The following MBD5 variants were observed in gnomAD, a reference collection of about 807,000 sequenced individuals.
The protein encoded by MBD5 is methyl-CpG binding domain protein 5, also known as methyl-CpG-binding domain protein 5.
MBD5 carries 13 observed loss-of-function variants against 117.3 expected under a neutral mutation model. That is an observed-to-expected ratio of 0.11 (90% CI 0.07 to 0.18). The LOEUF (loss-of-function observed/expected upper bound fraction) is 0.18. Among genes scored for constraint, MBD5 ranks in the 10% least tolerant of loss-of-function variants. The pLI is 1.00. For missense variants in MBD5, 1,879 were observed against 2,093.8 expected (o/e 0.90, Z 2.00); for synonymous variants, 727 against 766.4 (o/e 0.95, Z 0.85).
intron 3 of MBD5, among the ~76,000 whole-genome samples, chr2:148,331,044 T>C (rs769630324): frequency 6.6e-6 from 1 of 152,192 alleles, no homozygotes; most frequent in Non-Finnish European, 1.5e-5. Context: ...GTTTTTGTCA[T>C]GGTTACCAAA....
chr2:148,107,593 C>T (rs918307294), intron 1 of MBD5, among the ~76,000 whole-genome samples: 7 of 151,910 alleles, frequency 4.6e-5, no homozygotes, highest in African/African-American at 7.2e-5. Flanking sequence ...ATTCTCTTTT[C>T]AGCTATATTG....
intron 2 of MBD5, among the ~76,000 whole-genome samples, chr2:148,227,515 G>A (rs1481451781): frequency 2.0e-5 from 3 of 151,980 alleles, no homozygotes; most frequent in Non-Finnish European, 2.9e-5. Context: ...TAGTTACTGT[G>A]GGCTTGTAGT....
chr2:148,198,518 TCTC>T, intron 2 of MBD5, among the ~76,000 whole-genome samples: 1 of 152,180 alleles, frequency 6.6e-6, no homozygotes, highest in East Asian at 1.9e-4. Context: ...GTCTAGGTTT[TCTC>T]CTATAGATGA....
chr2:148,427,054 C>T (rs1434413658), intron 4 of MBD5, among the ~76,000 whole-genome samples: 2 of 152,168 alleles, frequency 1.3e-5, no homozygotes, highest in Non-Finnish European at 2.9e-5. Context: ...TGAAAAAATA[C>T]TCATCATCAC....
intron 4 of MBD5, among the ~76,000 whole-genome samples, chr2:148,426,420 A>T (rs1705788282): frequency 6.6e-6 from 1 of 152,040 alleles, no homozygotes; most frequent in Non-Finnish European, 1.5e-5. Context: ...GGCTACAGTA[A>T]CCAAAACAGC....
intron 3 of MBD5, among the ~76,000 whole-genome samples, chr2:148,317,345 G>C (rs1702179064): frequency 6.6e-6 from 1 of 151,832 alleles, no homozygotes; most frequent in Non-Finnish European, 1.5e-5. Flanking sequence ...CTCGAGCCTG[G>C]GCAACAAGAG....
At chr2:148,228,695 T>A (rs2106122713) in intron 2 of MBD5, among the ~76,000 whole-genome samples, 1 of 152,364 alleles carries the variant, frequency 6.6e-6, no homozygotes, top group African/African-American at 2.4e-5. Flanking sequence ...TACCAGCTCC[T>A]CCTTGTACCT....
chr2:148,105,382 C>A (rs946950592), intron 1 of MBD5, among the ~76,000 whole-genome samples: 2 of 151,956 alleles, frequency 1.3e-5, no homozygotes, highest in East Asian at 3.9e-4. Flanking sequence ...TCACACTGGG[C>A]TAATTTTTAT....
chr2:148,367,173 A>G (rs1055685511), intron 4 of MBD5, among the ~76,000 whole-genome samples: 2 of 152,120 alleles, frequency 1.3e-5, no homozygotes, highest in Non-Finnish European at 2.9e-5. Context: ...AAATAACACC[A>G]CACATCTACA....
At chr2:148,153,079 G>A (rs1290256671) in intron 1 of MBD5, among the ~76,000 whole-genome samples, 1 of 151,890 alleles carries the variant, frequency 6.6e-6, no homozygotes, top group African/African-American at 2.4e-5. Flanking sequence ...GGCTGGTACC[G>A]ATTATTCCTT....
chr2:148,424,177 C>CAAAAAAAAAAAAAAAAAAAAAAA (rs56740583), intron 4 of MBD5, among the ~76,000 whole-genome samples: 2 of 53,462 alleles, frequency 3.7e-5, no homozygotes, highest in African/African-American at 5.0e-5. Context: ...GACTCTGTCT[C>CAAAAAAAAAAAAAAAAAAAAAAA]AAAAAAAAAA....
intron 1 of MBD5, among the ~76,000 whole-genome samples, chr2:148,079,876 AACAACAACAACAAC>A (rs776578170): frequency 6.7e-6 from 1 of 150,274 alleles, no homozygotes; most frequent in East Asian, 2.0e-4. Context: ...CAACAACAAC[AACAACAACAACAAC>A]AACAACAACA....
chr2:148,139,038 T>C (rs1022899301), intron 1 of MBD5, among the ~76,000 whole-genome samples: 5 of 152,192 alleles, frequency 3.3e-5, no homozygotes, highest in African/African-American at 1.2e-4. Flanking sequence ...TTGAAAATTA[T>C]TTTTATATAT....
chr2:148,310,522 G>A (rs1478222267), intron 3 of MBD5, among the ~76,000 whole-genome samples: 2 of 151,986 alleles, frequency 1.3e-5, no homozygotes, highest in Non-Finnish European at 2.9e-5. Flanking sequence ...GTGTCTATTT[G>A]ATTCTTCTCT....
At chr2:148,046,181 A>G (rs1694526612) in intron 1 of MBD5, among the ~76,000 whole-genome samples, 1 of 151,664 alleles carries the variant, frequency 6.6e-6, no homozygotes, top group Non-Finnish European at 1.5e-5. Flanking sequence ...ACGGGGTTTC[A>G]CCATGTTGGC....
chr2:148,408,011 G>A (rs943214152), intron 4 of MBD5, among the ~76,000 whole-genome samples: 3 of 151,738 alleles, frequency 2.0e-5, no homozygotes, highest in African/African-American at 7.3e-5. Flanking sequence ...TGACTGTGTA[G>A]ATCATTAGAG....
chr2:148,034,042 A>G (rs1325055771), intron 1 of MBD5, among the ~76,000 whole-genome samples: 1 of 152,114 alleles, frequency 6.6e-6, no homozygotes, highest in Non-Finnish European at 1.5e-5. Context: ...AAAAAATGCA[A>G]AAATTAGCCA....
In MBD5 at chr2:148,470,474, T is replaced by C; in HGVS notation, c.2518+13T>C. Reference sequence around the variant, plus strand: ...AGTTCTGAAGCAGGTATGGTTTTATTAGAAAAAAGTACCCAAAGGTACTAA... The same window carrying C: ...AGTTCTGAAGCAGGTATGGTTTTATCAGAAAAAAGTACCCAAAGGTACTAA... On this transcript the variant is annotated intron_variant, in intron 8 of 13. Transcript: ENST00000642680. The C allele has an allele frequency of 6.4e-7, 1 of 1,572,990 alleles. No homozygotes were observed. The highest frequency in any genetic ancestry group is 2.2e-5 in the East Asian group (1 of 44,448).
At chr2:148,416,603 G>T (rs564624970) in intron 4 of MBD5, among the ~76,000 whole-genome samples, 1 of 152,014 alleles carries the variant, frequency 6.6e-6, no homozygotes, top group East Asian at 1.9e-4. Flanking sequence ...TTTGCTTTTC[G>T]GTTTTTTATA....
Sources: gnomAD v4.1 joint callset for allele counts (sites outside exome capture counted in the v4.1 genomes callset) on GRCh38, gnomAD v4.1.1 for gene constraint, MANE v1.5 for transcripts, NCBI Gene and HGNC (gene_info 2026-07-23, HGNC 2026-07-21) for gene names.